ZNF561: variants seen among roughly 807,000 people sequenced by gnomAD.
ZNF561 encodes zinc finger protein 561.
Under a neutral mutation model 16.7 loss-of-function variants are expected in ZNF561, and 16 were observed. That is an observed-to-expected ratio of 0.96 (90% CI 0.65 to 1.45). The LOEUF (loss-of-function observed/expected upper bound fraction) is 1.45. Ranked by LOEUF, ZNF561 falls within the 40% of genes most tolerant of loss-of-function variation. The pLI is 0.00. For missense variants in ZNF561, 580 were observed against 578.0 expected (o/e 1.00, Z -0.04); for synonymous variants, 190 against 192.1 (o/e 0.99, Z 0.09).
At position 9,607,767 on chromosome 19, in the gene ZNF561, G is replaced by A. The variant is rs1432592871; in HGVS notation, c.*2433C>T. On this transcript the variant is annotated 3_prime_UTR_variant, in exon 6 of 6. Transcript: ENST00000302851. ...TTACAGATTATGTGATTGTCTATGT[G>A]GAAACGGAAAAGAATCATATTAAGT... 1 of 152,104 alleles carries A rather than the reference G, an allele frequency of 6.6e-6. No homozygotes were observed. The highest frequency in any genetic ancestry group is 6.6e-5 in the Admixed American group (1 of 15,258). 9.4% of individuals were successfully genotyped at this position (152,104 alleles called of 1,614,324 possible).
In ZNF561 at chr19:9,607,622, A is replaced by G. The variant is rs889366343; in HGVS notation, c.*2578T>C. 6.6e-6 allele frequency: 1 copy of G among 152,202 alleles called. No individual in the cohort carries two copies. Among genetic ancestry groups the G allele is most frequent in the African/African-American group, 2.4e-5 (1 of 41,438 alleles). 9.4% of individuals were successfully genotyped at this position (152,202 alleles called of 1,614,324 possible). A position where few individuals can be genotyped will look rare whatever the true frequency, so the allele number is the denominator to read the frequency against. ...TATCTCAGCAGAACTGCAGACAATT[A>G]TGCTGGTATTACTGCTATTCATTGG... On this transcript the variant is annotated 3_prime_UTR_variant, in exon 6 of 6. Transcript: ENST00000302851.
Position 9,609,257 on chromosome 19 carries a change from G to T in ZNF561, c.*943C>A, listed in dbSNP as rs1017253506. ...AATATGTGGGTCAAACTCTGTTCAAGGCTCTCAGCTCTGAAGGCTGTGAGC... is the reference window on the plus strand; with the variant it reads ...AATATGTGGGTCAAACTCTGTTCAATGCTCTCAGCTCTGAAGGCTGTGAGC... On this transcript the variant is annotated 3_prime_UTR_variant, in exon 6 of 6. Coordinates refer to ENST00000302851, the MANE Select transcript of ZNF561 (RefSeq NM_152289.3). 6 of 152,128 alleles carry T rather than the reference G, an allele frequency of 3.9e-5. No individual in the cohort carries two copies. Among genetic ancestry groups the T allele is most frequent in the African/African-American group, 1.2e-4 (5 of 41,430 alleles). The allele number at this position is 152,128 out of a possible 1,614,324, so 9.4% of individuals were successfully genotyped here.
chr19:9,610,129 C>T lies in ZNF561; in HGVS notation c.*71G>A, dbSNP rs1182306238. ...CCAATCCATGAGTCATTACAACCTC[C>T]AAAAGGCATTTAGGACAAATCTGAT... On this transcript the variant is annotated 3_prime_UTR_variant, in exon 6 of 6. Transcript: ENST00000302851. 7.2e-7 allele frequency: 1 copy of T among 1,393,780 alleles called. No individual in the cohort carries two copies. The highest frequency in any genetic ancestry group is 2.4e-5 in the East Asian group (1 of 42,470). The allele number at this position is 1,393,780 out of a possible 1,614,324, so 86.3% of individuals were successfully genotyped here. A position where few individuals can be genotyped will look rare whatever the true frequency, so the allele number is the denominator to read the frequency against.
chr19:9,617,953 T>A (rs140819781), intron 3 of ZNF561, 138 bp downstream of exon 3: 1 of 788,236 alleles, frequency 1.3e-6, no homozygotes, highest in Non-Finnish European at 2.1e-6. Context: ...CCTGGGGAAA[T>A]TCATCTGGGG....
Position 9,609,791 on chromosome 19 carries a change from A to T in ZNF561, c.*409T>A. On this transcript the variant is annotated 3_prime_UTR_variant, in exon 6 of 6. Transcript: ENST00000302851. ...TGCAGGATCCGTGGGATCAGAAGAG[A>T]CCCTTGGAGGAGCATCTCTTAACAA... 1 of 163,664 alleles carries T rather than the reference A, an allele frequency of 6.1e-6. No individual in the cohort carries two copies. The highest frequency in any genetic ancestry group is 1.3e-5 in the Non-Finnish European group (1 of 74,212). 10.1% of individuals were successfully genotyped at this position (163,664 alleles called of 1,614,324 possible).
intron 4 of ZNF561, among the ~76,000 whole-genome samples, chr19:9,615,751 C>CAAA (rs1192652868): frequency 2.3e-5 from 2 of 85,366 alleles, no homozygotes; most frequent in East Asian, 4.1e-4. Context: ...ACTAAAAATA[C>CAAA]AAAAAAAAAA....
chr19:9,617,613 C>T (rs924052986), intron 3 of ZNF561: 2 of 454,102 alleles, frequency 4.4e-6, no homozygotes, highest in African/African-American at 4.0e-5. Flanking sequence ...CTGAAGTGGT[C>T]CTCTCACCTC....
chr19:9,619,400 A>C (rs758842145), intron 2 of ZNF561, 32 bp downstream of exon 2: 2 of 1,611,082 alleles, frequency 1.2e-6, no homozygotes, highest in African/African-American at 2.7e-5. Context: ...CTAAAGCAGA[A>C]TCTCTGAAAA....
At chr19:9,616,972 C>A in intron 4 of ZNF561, 73 bp downstream of exon 4, 1 of 1,505,682 alleles carries the variant, frequency 6.6e-7, no homozygotes, top group Non-Finnish European at 9.0e-7. Flanking sequence ...AGCGATTCTC[C>A]CACCTCAGCC....
chr19:9,613,994 T>A, intron 5 of ZNF561, 27 bp downstream of exon 5: 1 of 1,607,796 alleles, frequency 6.2e-7, no homozygotes, highest in Non-Finnish European at 8.5e-7. Context: ...AGAGAGGAAA[T>A]TAAGAAATAT....
In ZNF561 at chr19:9,610,256, T is replaced by G. The variant is rs1366462714; in HGVS notation, c.1405A>C (p.Arg469=). ...AVSSRLSRHE[R]IHTGEKPYEC... ...TAGGGTTTCTCCCCAGTGTGAATTC[T>G]TTCATGTCTACTTAGGCGTGAGGAA... The change falls in exon 6 of 6, where the codon AGA becomes CGA. Residue 469 remains arginine (R), a synonymous_variant. Transcript: ENST00000302851. The G allele has an allele frequency of 4.3e-6, 7 of 1,613,234 alleles. No homozygotes were observed. Among genetic ancestry groups the G allele is most frequent in the Admixed American group, 1.7e-5 (1 of 59,862 alleles).
intron 5 of ZNF561, among the ~76,000 whole-genome samples, chr19:9,613,480 G>A (rs886388738): frequency 6.6e-6 from 1 of 151,584 alleles, no homozygotes; most frequent in Non-Finnish European, 1.5e-5. Flanking sequence ...AGTGATCCAC[G>A]TGCCTAGGCC....
At chr19:9,616,863 G>T in intron 4 of ZNF561, 182 bp downstream of exon 4, 1 of 685,812 alleles carries the variant, frequency 1.5e-6, no homozygotes, top group Non-Finnish European at 2.2e-6. Flanking sequence ...CAAAGTGCTG[G>T]GATTACAGGC....
At chr19:9,620,149 G>A (rs1226941341) in intron 1 of ZNF561, among the ~76,000 whole-genome samples, 4 of 152,068 alleles carry the variant, frequency 2.6e-5, no homozygotes, top group Admixed American at 2.0e-4. Context: ...GAATGCAGTG[G>A]CATGATCTCA....
intron 5 of ZNF561, among the ~76,000 whole-genome samples, chr19:9,613,226 A>C (rs1251676120): frequency 3.3e-5 from 5 of 152,212 alleles, no homozygotes; most frequent in Non-Finnish European, 5.9e-5. Flanking sequence ...CATTCAGACT[A>C]TCTCTCCAGA....
rs187056507 is a variant in ZNF561 at position 9,612,091 on chromosome 19, C to T, written c.325-755G>A. Among the ~76,000 whole-genome samples, 18 of 152,122 alleles carry T rather than the reference C, an allele frequency of 1.2e-4. No individual in the cohort carries two copies. In the East Asian group the frequency reaches 2.5e-3, roughly 21 times the overall value. On this transcript the variant is annotated intron_variant, in intron 5 of 5. Coordinates refer to ENST00000302851, the MANE Select transcript of ZNF561 (RefSeq NM_152289.3). ...TACAGGCATGGGTCACCATGCCTGG[C>T]TAATTTTTGTAGTTTTAGTAGAGAC...
intron 4 of ZNF561, 82 bp from the exon 5 acceptor site, chr19:9,614,185 A>AT (rs2074512770): frequency 6.6e-7 from 1 of 1,525,294 alleles, no homozygotes; most frequent in South Asian, 1.2e-5. Context: ...TTGTTTTCAA[A>AT]TTAAACACAG....
In ZNF561 at chr19:9,609,025, G is replaced by C. The variant is rs1337765372; in HGVS notation, c.*1175C>G. The C allele has an allele frequency of 6.6e-6, 1 of 152,122 alleles. No homozygotes were observed. Among genetic ancestry groups the C allele is most frequent in the Non-Finnish European group, 1.5e-5 (1 of 68,026 alleles). 9.4% of individuals were successfully genotyped at this position (152,122 alleles called of 1,614,324 possible). ...GCTGGTTTACCCGAATGAGGGCAAG[G>C]AACACCTGGCCCACCCACGGTGGAA... On this transcript the variant is annotated 3_prime_UTR_variant, in exon 6 of 6. Coordinates refer to ENST00000302851, the MANE Select transcript of ZNF561 (RefSeq NM_152289.3).
At position 9,617,073 on chromosome 19, in the gene ZNF561, C is replaced by T; in HGVS notation, c.213G>A (p.Leu71=). The T allele has an allele frequency of 1.9e-6, 3 of 1,612,768 alleles. No individual in the cohort carries two copies. The highest frequency in any genetic ancestry group is 2.5e-6 in the Non-Finnish European group (3 of 1,179,152). The change falls in exon 4 of 6, where the codon CTG becomes CTA. Residue 71 remains leucine, a synonymous_variant. Coordinates refer to ENST00000302851, the MANE Select transcript of ZNF561 (RefSeq NM_152289.3). The part of the protein sequence containing the change: ...TEKYLYRDVM[L]ENYMNLASVE... Reference sequence around the variant, plus strand: ...CAGAGGCCAGGTTCATGTAGTTCTCCAGCATCACATCTCTGTAGAGGTATT... The same window carrying T: ...CAGAGGCCAGGTTCATGTAGTTCTCTAGCATCACATCTCTGTAGAGGTATT...
Sources: allele counts gnomAD v4.1 joint callset (sites outside exome capture counted in the v4.1 genomes callset), GRCh38; gene constraint gnomAD v4.1.1; transcripts MANE v1.5; gene names NCBI Gene and HGNC (gene_info 2026-07-23, HGNC 2026-07-21).